The following WDR13 variants were observed in gnomAD, a reference collection of about 807,000 sequenced individuals.
WDR13 encodes WD repeat domain 13, also known as WD repeat-containing protein 13.
In WDR13, 1 loss-of-function variant was observed where a neutral mutation model predicts 28.6. The ratio of observed to expected loss-of-function variants is 0.03; its 90% CI spans 0.01 to 0.17. The LOEUF (loss-of-function observed/expected upper bound fraction) is 0.17, where lower values mean the gene tolerates loss of function less well. WDR13 is among the 10% of genes least tolerant of loss of function. WDR13 has a pLI of 1.00. For synonymous variants in WDR13, 201 were observed against 185.9 expected, an observed-to-expected ratio of 1.08 and a Z score of -0.66; for missense variants, 264 against 469.3, an observed-to-expected ratio of 0.56 and a Z score of 4.04.
chrX:48,604,094 G>A (rs782363830), intron 8 of WDR13, 178 bp from the exon 9 acceptor site: 131 of 413,416 alleles, frequency 3.2e-4, no homozygotes, highest in Non-Finnish European at 5.1e-4. Context: ...AGCCGTGATC[G>A]CACCACTACA....
intron 9 of WDR13, 35 bp from the exon 10 acceptor site, chrX:48,604,813 C>T (rs782255821): frequency 4.0e-5 from 47 of 1,186,371 alleles, no homozygotes; most frequent in Admixed American, 8.9e-5. Flanking sequence ...GCACCCCAGG[C>T]GCCTCCCGAT....
rs781945262 is a variant in WDR13 at position 48,606,592 on chromosome X, C to T, written c.*1560C>T. 1 of 111,546 alleles carries T rather than the reference C, an allele frequency of 9.0e-6. No homozygotes were observed. The highest frequency in any genetic ancestry group is 2.8e-4 in the East Asian group (1 of 3,542). 9.2% of individuals were successfully genotyped at this position (111,546 alleles called of 1,213,427 possible). A position where few individuals can be genotyped will look rare whatever the true frequency, so the allele number is the denominator to read the frequency against. Reference sequence around the variant, plus strand: ...GATGTTAAGTATTTGAGGGGAGCCCCAAGAGAGGAGAAAAAGCTTTGAGTA... The same window carrying T: ...GATGTTAAGTATTTGAGGGGAGCCCTAAGAGAGGAGAAAAAGCTTTGAGTA... On this transcript the variant is annotated 3_prime_UTR_variant, in exon 10 of 10. Transcript: ENST00000376729.
At chrX:48,598,205 C>G (rs1201661392) in intron 2 of WDR13, 168 bp downstream of exon 2, 53 of 1,119,081 alleles carry the variant, frequency 4.7e-5, no homozygotes, top group Non-Finnish European at 5.6e-5. Context: ...TTGGCTGCGC[C>G]GGAGAGGATT....
intron 6 of WDR13, 103 bp downstream of exon 6, chrX:48,600,729 G>A (rs2147224133): frequency 1.0e-6 from 1 of 972,057 alleles, no homozygotes; most frequent in Non-Finnish European, 1.4e-6. Context: ...GGGGGCCTAG[G>A]ACCCCCCCAC....
In WDR13 at chrX:48,605,208, T is replaced by C; in HGVS notation, c.*176T>C. ...GGTGGAACGGGGTTCATTGACTCAT[T>C]TGTGCATTCATGCATCGACGGATTC... On this transcript the variant is annotated 3_prime_UTR_variant, in exon 10 of 10. Coordinates refer to ENST00000376729, the MANE Select transcript of WDR13 (RefSeq NM_001347217.2). 1 of 507,354 alleles carries C rather than the reference T, an allele frequency of 2.0e-6. No homozygotes were observed. The allele number at this position is 507,354 out of a possible 1,213,427, so 41.8% of individuals were successfully genotyped here.
In WDR13 at chrX:48,607,725, C is replaced by T. The variant is rs1376664202; in HGVS notation, c.*2693C>T. On this transcript the variant is annotated 3_prime_UTR_variant, in exon 10 of 10. Coordinates refer to ENST00000376729, the MANE Select transcript of WDR13 (RefSeq NM_001347217.2). ...CCCCTGCCTGGCACCTACCCAAATCCCAGGCTCCCAAAAGGAAAGCAGGGG... is the reference window on the plus strand; with the variant it reads ...CCCCTGCCTGGCACCTACCCAAATCTCAGGCTCCCAAAAGGAAAGCAGGGG... The T allele has an allele frequency of 9.1e-6, 1 of 109,324 alleles. No individual in the cohort carries two copies. The highest frequency in any genetic ancestry group is 1.9e-5 in the Non-Finnish European group (1 of 52,600). 9.0% of individuals were successfully genotyped at this position (109,324 alleles called of 1,213,427 possible).
At position 48,605,193 on chromosome X, in the gene WDR13, G is replaced by T; in HGVS notation, c.*161G>T. 1.7e-6 allele frequency: 1 copy of T among 573,471 alleles called. No individual in the cohort carries two copies. Among genetic ancestry groups the T allele is most frequent in the South Asian group, 3.3e-5 (1 of 30,685 alleles). The allele number at this position is 573,471 out of a possible 1,213,427, so 47.3% of individuals were successfully genotyped here. ...CAGCTCCAGGAACACGGTGGAACGG[G>T]GTTCATTGACTCATTTGTGCATTCA... On this transcript the variant is annotated 3_prime_UTR_variant, in exon 10 of 10. Transcript: ENST00000376729.
In WDR13 at chrX:48,604,525, C is replaced by T. The variant is rs192646424; in HGVS notation, c.1273+135C>T. ...TCATGACCCCTCCTGCCCCAACAGCCTCACTGTGGAACTCACAGCTCCAAA... is the reference window on the plus strand; with the variant it reads ...TCATGACCCCTCCTGCCCCAACAGCTTCACTGTGGAACTCACAGCTCCAAA... On this transcript the variant is annotated intron_variant, in intron 9 of 9. Coordinates refer to ENST00000376729, the MANE Select transcript of WDR13 (RefSeq NM_001347217.2). 2.6e-5 allele frequency: 14 copies of T among 533,786 alleles called. No homozygotes were observed. In the East Asian group the frequency reaches 4.7e-4, roughly 18 times the overall value. The allele number at this position is 533,786 out of a possible 1,213,427, so 44.0% of individuals were successfully genotyped here.
intron 5 of WDR13, 157 bp downstream of exon 5, chrX:48,599,874 T>A: frequency 1.2e-6 from 1 of 812,252 alleles, no homozygotes; most frequent in South Asian, 2.7e-5. Context: ...CTCTGCAAAG[T>A]GGTCAGTGCT....
chrX:48,601,356 C>T (rs782171122), intron 6 of WDR13, among the ~76,000 whole-genome samples: 2 of 112,120 alleles, frequency 1.8e-5, no homozygotes, highest in Non-Finnish European at 3.8e-5. Context: ...CTGGTGTGGC[C>T]CGGGGTGTAG....
In WDR13 at chrX:48,602,085, C is replaced by A; in HGVS notation, c.1033C>A (p.Arg345Ser). Residue 345 changes from arginine to serine, a missense_variant, in exon 8 of 10, where the codon CGT (arginine) becomes AGT (serine). Coordinates refer to ENST00000376729, the MANE Select transcript of WDR13 (RefSeq NM_001347217.2). ...TGCAGGGAAGCTGACCAAAGCCAAG[C>A]GTTTGGTGGTGCATGAGGGGAGCCC... Reference protein sequence around the residue: ...MATGKLTKAKRLVVHEGSPVT... With the variant: ...MATGKLTKAKSLVVHEGSPVT... 8.3e-7 allele frequency: 1 copy of A among 1,211,609 alleles called. No individual in the cohort carries two copies. Among genetic ancestry groups the A allele is most frequent in the Non-Finnish European group, 1.1e-6 (1 of 895,206 alleles).
At chrX:48,604,414 T>G (rs2062208298) in intron 9 of WDR13, 24 bp downstream of exon 9, 4 of 1,186,924 alleles carry the variant, frequency 3.4e-6, no homozygotes, top group Non-Finnish European at 4.6e-6. Flanking sequence ...GGACAGGGGA[T>G]CTGGGTGGCT....
At position 48,598,698 on chromosome X, in the gene WDR13, C is replaced by A; in HGVS notation, c.42-19C>A. The A allele has an allele frequency of 9.5e-7, 1 of 1,047,844 alleles. No homozygotes were observed. The highest frequency in any genetic ancestry group is 1.3e-6 in the Non-Finnish European group (1 of 794,910). The allele number at this position is 1,047,844 out of a possible 1,213,427, so 86.4% of individuals were successfully genotyped here. ...CTCTGTCCTGTGCCTGCTGCCTGCC[C>A]TGCATCCTGACCCTGCAGGTACAAC... On this transcript the variant is annotated intron_variant, in intron 2 of 9. Coordinates refer to ENST00000376729, the MANE Select transcript of WDR13 (RefSeq NM_001347217.2).
intron 3 of WDR13, 166 bp downstream of exon 3, chrX:48,599,123 G>T: frequency 1.2e-6 from 1 of 823,182 alleles, no homozygotes; most frequent in Non-Finnish European, 1.7e-6. Context: ...TTGTAAACAG[G>T]TCAGTAAACA....
intron 8 of WDR13, 76 bp from the exon 9 acceptor site, chrX:48,604,196 G>A: frequency 3.2e-6 from 3 of 951,880 alleles, no homozygotes; most frequent in East Asian, 6.2e-5. Context: ...AGGCACAGGG[G>A]TGGGGACACA....
At chrX:48,604,475 C>T in intron 9 of WDR13, 85 bp downstream of exon 9, 1 of 822,018 alleles carries the variant, frequency 1.2e-6, no homozygotes, top group Non-Finnish European at 1.8e-6. Context: ...GACATCACGA[C>T]ACCGATGCCC....
Position 48,606,215 on chromosome X carries a change from C to T in WDR13, c.*1183C>T, listed in dbSNP as rs2062219935. On this transcript the variant is annotated 3_prime_UTR_variant, in exon 10 of 10. Transcript: ENST00000376729. The stretch of plus-strand genomic sequence containing the variant: ...AAGCAGGGGACCCAGCAGGAGACCC[C>T]TCTGAGCGCAGTGATGGGGACTTGC... The T allele has an allele frequency of 9.3e-6, 1 of 107,967 alleles. No homozygotes were observed. Among genetic ancestry groups the T allele is most frequent in the Non-Finnish European group, 1.9e-5 (1 of 52,217 alleles). 8.9% of individuals were successfully genotyped at this position (107,967 alleles called of 1,213,427 possible).
chrX:48,598,153 G>T, intron 2 of WDR13, 116 bp downstream of exon 2: 1 of 1,142,149 alleles, frequency 8.8e-7, no homozygotes, highest in Non-Finnish European at 1.2e-6. Context: ...CATGCCGGAG[G>T]TGAGCATGCG....
chrX:48,603,096 A>G (rs781806066), intron 8 of WDR13, among the ~76,000 whole-genome samples: 1 of 111,030 alleles, frequency 9.0e-6, no homozygotes, highest in Non-Finnish European at 1.9e-5. Context: ...GCTCACTGCA[A>G]CCTCCAACTC....
Sources: allele counts gnomAD v4.1 joint callset (sites outside exome capture counted in the v4.1 genomes callset), GRCh38; gene constraint gnomAD v4.1.1; transcripts MANE v1.5; gene names NCBI Gene and HGNC (gene_info 2026-07-23, HGNC 2026-07-21).